The following RAB27B variants were observed in gnomAD, a reference collection of about 807,000 sequenced individuals.
RAB27B encodes the protein RAB27B, member RAS oncogene family.
Under a neutral mutation model 24.6 loss-of-function variants are expected in RAB27B, and 15 were observed. The ratio of observed to expected loss-of-function variants is 0.61; its 90% confidence interval spans 0.41 to 0.94. RAB27B has a LOEUF of 0.94. Ranked by LOEUF, RAB27B falls within the 40% of genes least tolerant of loss-of-function variation. The pLI is 0.00. For synonymous variants in RAB27B, 105 were observed against 92.5 expected (o/e 1.14, Z -0.78); for missense variants, 261 against 266.8 (o/e 0.98, Z 0.15).
intron 3 of RAB27B, chr18:54,879,686 T>G: frequency 2.1e-6 from 1 of 474,628 alleles, no homozygotes; most frequent in Non-Finnish European, 3.8e-6. Context: ...TCTCTGAAGA[T>G]TCTTGCTATG....
chr18:54,887,021 T>TCCTC (rs1173610191), intron 4 of RAB27B, among the ~76,000 whole-genome samples: 12,895 of 72,688 alleles, frequency 0.18, 1,555 homozygotes, highest in South Asian at 0.23. Context: ...CTCCCTCCCT[T>TCCTC]CCTCCCTCCC....
chr18:54,808,086 A>G (rs369051992), intron 2 of RAB27B, among the ~76,000 whole-genome samples: 3 of 152,332 alleles, frequency 2.0e-5, no homozygotes, highest in South Asian at 2.1e-4. Flanking sequence ...CATAAACAAA[A>G]CTAGTTACAT....
intron 2 of RAB27B, among the ~76,000 whole-genome samples, chr18:54,782,610 C>G (rs923798087): frequency 3.3e-5 from 5 of 152,038 alleles, no homozygotes; most frequent in African/African-American, 1.2e-4. Context: ...AATGGAAATT[C>G]CAAGAAAACC....
At chr18:54,779,380 C>A (rs1032649048) in intron 2 of RAB27B, among the ~76,000 whole-genome samples, 1 of 152,046 alleles carries the variant, frequency 6.6e-6, no homozygotes, top group Non-Finnish European at 1.5e-5. Context: ...GGAAAAAATA[C>A]GAAGTCACTT....
At chr18:54,879,296 T>C (rs1427130982) in intron 2 of RAB27B, 73 bp from the exon 3 acceptor site, 1 of 1,111,438 alleles carries the variant, frequency 9.0e-7, no homozygotes, top group Non-Finnish European at 1.4e-6. Context: ...AAAAACATGC[T>C]GAGTGAACCC....
chr18:54,720,720 C>A (rs752369045), intron 2 of RAB27B, among the ~76,000 whole-genome samples: 1 of 151,986 alleles, frequency 6.6e-6, no homozygotes, highest in Non-Finnish European at 1.5e-5. Context: ...AATAAGTCAT[C>A]CAGGGACCAA....
rs919797038 is a variant in RAB27B at position 54,728,976 on chromosome 18, A to G, written c.-20+10835A>G. On this transcript the variant is annotated intron_variant, in intron 2 of 4. Transcript: ENST00000586570. ...ATTCAGGAATTTTTGTTTAAAAATTAGTAGAAATCTTAAATATCTGAGTAT... is the reference window on the plus strand; with the variant it reads ...ATTCAGGAATTTTTGTTTAAAAATTGGTAGAAATCTTAAATATCTGAGTAT... Among the ~76,000 whole-genome samples the G allele has an allele frequency of 2.1e-5, 3 of 140,628 alleles. No individual in the cohort carries two copies. In the East Asian group the frequency reaches 6.5e-4, roughly 30 times the overall value. The allele number at this position is 140,628 out of a possible 152,430, so 92.3% of individuals were successfully genotyped here.
At chr18:54,833,659 A>C (rs1910781605) in intron 1 of RAB27B, among the ~76,000 whole-genome samples, 1 of 152,218 alleles carries the variant, frequency 6.6e-6, no homozygotes, top group Non-Finnish European at 1.5e-5. Flanking sequence ...TAAATGAGAA[A>C]GACTAATGGC....
intron 2 of RAB27B, among the ~76,000 whole-genome samples, chr18:54,819,608 TTTTTTA>T (rs1910236922): frequency 6.6e-6 from 1 of 151,816 alleles, no homozygotes; most frequent in Admixed American, 6.5e-5. Context: ...TTTTTATTTA[TTTTTTA>T]TTTTTATTAT....
At chr18:54,873,685 CTGTGTGTGTGTGTGTGTGTGTGTG>C (rs56409312) in intron 1 of RAB27B, among the ~76,000 whole-genome samples, 1 of 140,760 alleles carries the variant, frequency 7.1e-6, no homozygotes, top group Admixed American at 7.1e-5. Context: ...GAGCCAAATC[CTGTGTGTGTGTGTGTGTGTGTGTG>C]TGTGTGTGTG....
At chr18:54,865,692 A>C (rs1265546591) in intron 1 of RAB27B, among the ~76,000 whole-genome samples, 3 of 152,242 alleles carry the variant, frequency 2.0e-5, no homozygotes, top group Non-Finnish European at 2.9e-5. Flanking sequence ...CTTTTGAAGA[A>C]TTTGGAGGGA....
intron 3 of RAB27B, among the ~76,000 whole-genome samples, chr18:54,884,091 A>G (rs1456066448): frequency 6.7e-6 from 1 of 149,740 alleles, no homozygotes; most frequent in Non-Finnish European, 1.5e-5. Flanking sequence ...GAATGTTACA[A>G]ACTGTGTGTA....
At chr18:54,859,271 A>T (rs1449762351) in intron 1 of RAB27B, among the ~76,000 whole-genome samples, 1 of 152,148 alleles carries the variant, frequency 6.6e-6, no homozygotes, top group African/African-American at 2.4e-5. Flanking sequence ...TTTATTGCTG[A>T]ATTTGTGATT....
At chr18:54,879,295 C>A in intron 2 of RAB27B, 74 bp from the exon 3 acceptor site, 1 of 1,095,524 alleles carries the variant, frequency 9.1e-7, no homozygotes, top group Non-Finnish European at 1.4e-6. Context: ...AAAAAACATG[C>A]TGAGTGAACC....
At chr18:54,834,893 C>T (rs1326392553) in intron 1 of RAB27B, among the ~76,000 whole-genome samples, 4 of 151,578 alleles carry the variant, frequency 2.6e-5, no homozygotes, top group Non-Finnish European at 5.9e-5. Context: ...TCTTGTTTCT[C>T]TCCTTAACTT....
Position 54,859,124 on chromosome 18 carries a change from C to T in RAB27B, c.-19-18443C>T, listed in dbSNP as rs568790710. On this transcript the variant is annotated intron_variant, in intron 1 of 5. Coordinates refer to ENST00000262094, the MANE Select transcript of RAB27B (RefSeq NM_004163.4). ...TTTGCAGAGATGAGATGTAACATAC[C>T]CCAGTCTGTGTCCTTTCCGAGTGCC... Among the ~76,000 whole-genome samples the T allele has an allele frequency of 1.6e-4, 25 of 152,202 alleles. No homozygotes were observed. The East Asian group carries it at 4.6e-3, about 28-fold the overall frequency.
At chr18:54,743,437 A>G (rs1475698156) in intron 2 of RAB27B, among the ~76,000 whole-genome samples, 1 of 152,190 alleles carries the variant, frequency 6.6e-6, no homozygotes, top group Non-Finnish European at 1.5e-5. Flanking sequence ...GATGTGAATA[A>G]TTAATGAAGA....
At chr18:54,812,950 T>C (rs1490815229) in intron 2 of RAB27B, among the ~76,000 whole-genome samples, 1 of 152,154 alleles carries the variant, frequency 6.6e-6, no homozygotes, top group African/African-American at 2.4e-5. Context: ...ATAGAGTGAA[T>C]AAAGAAGCAT....
intron 1 of RAB27B, among the ~76,000 whole-genome samples, chr18:54,874,915 T>C (rs1157982209): frequency 6.6e-6 from 1 of 152,020 alleles, no homozygotes; most frequent in Non-Finnish European, 1.5e-5. Flanking sequence ...AGACCTTAAG[T>C]GTGGGGGGAA....
Sources: allele counts gnomAD v4.1 joint callset (sites outside exome capture counted in the v4.1 genomes callset), GRCh38; gene constraint gnomAD v4.1.1; transcripts MANE v1.5; gene names NCBI Gene and HGNC (gene_info 2026-07-23, HGNC 2026-07-21).